ITGAE: variants seen among roughly 807,000 people sequenced by gnomAD.
ITGAE encodes integrin alpha-E.
ITGAE carries 99 observed loss-of-function variants against 136.5 expected under a neutral mutation model. That is an observed-to-expected ratio of 0.73 (90% CI 0.62 to 0.86). ITGAE has a LOEUF of 0.86. Ranked by LOEUF, ITGAE falls within the 40% of genes least tolerant of loss-of-function variation. ITGAE has a pLI of 0.00. For missense variants in ITGAE, 1,447 were observed against 1,515.3 expected, an observed-to-expected ratio of 0.95 and a Z score of 0.75; for synonymous variants, 613 against 591.8, an observed-to-expected ratio of 1.04 and a Z score of -0.52.
rs1567547981 is a variant in ITGAE at position 3,771,585 on chromosome 17, G to A, written c.155+5955C>T. Among the ~76,000 whole-genome samples, 4 of 145,496 alleles carry A rather than the reference G, an allele frequency of 2.7e-5. No individual in the cohort carries two copies. The Admixed American group carries it at 2.8e-4, about 10-fold the overall frequency. On this transcript the variant is annotated intron_variant, in intron 2 of 30. Transcript: ENST00000263087. ...GACAGAGTTTCATTCTTGTTGCCCA[G>A]GCTGGAGTGCAATGCTGCGGTCTTG... is the stretch of plus-strand genomic sequence containing the variant.
intron 26 of ITGAE, among the ~76,000 whole-genome samples, chr17:3,727,426 G>A (rs2051239191): frequency 6.7e-6 from 1 of 149,894 alleles, no homozygotes; most frequent in Admixed American, 6.7e-5. Context: ...TTGAGATGGA[G>A]TCTCACTCTG....
chr17:3,781,119 T>A (rs2052657179), intron 1 of ITGAE, among the ~76,000 whole-genome samples: 1 of 152,348 alleles, frequency 6.6e-6, no homozygotes, highest in South Asian at 2.1e-4. Context: ...TATTTATTTG[T>A]AAGAGCTTTT....
intron 26 of ITGAE, chr17:3,723,994 A>C (rs979018899): frequency 2.5e-6 from 4 of 1,592,472 alleles, no homozygotes; most frequent in African/African-American, 2.7e-5. Context: ...GGGGCTGCGG[A>C]CGGCAGGAGA....
At chr17:3,747,246 A>G (rs2051737931) in intron 17 of ITGAE, among the ~76,000 whole-genome samples, 1 of 152,154 alleles carries the variant, frequency 6.6e-6, no homozygotes, top group Non-Finnish European at 1.5e-5. Context: ...AGAGAGAAAG[A>G]GGAGGGTGTG....
intron 28 of ITGAE, 65 bp from the exon 29 acceptor site, chr17:3,720,467 A>T (rs990711503): frequency 3.9e-6 from 3 of 767,460 alleles, no homozygotes; most frequent in Non-Finnish European, 4.7e-6. Flanking sequence ...ACTGTGTTTG[A>T]ACAGCCTTCA....
intron 26 of ITGAE, chr17:3,724,544 C>T (rs1344049906): frequency 6.2e-7 from 1 of 1,614,098 alleles, no homozygotes; most frequent in Non-Finnish European, 8.5e-7. Flanking sequence ...CCGTCCCGAG[C>T]GGCCTCCACC....
At chr17:3,772,164 C>A (rs545172728) in intron 2 of ITGAE, among the ~76,000 whole-genome samples, 2 of 152,344 alleles carry the variant, frequency 1.3e-5, no homozygotes, top group African/African-American at 4.8e-5. Context: ...TGCTAATTCC[C>A]AGTCACCCTG....
At chr17:3,717,876 C>T (rs1000195167) in intron 29 of ITGAE, 1 of 152,278 alleles carries the variant, frequency 6.6e-6, no homozygotes, top group Non-Finnish European at 1.5e-5. Context: ...GAATATTCTA[C>T]AGGAGAAGGA....
intron 29 of ITGAE, chr17:3,717,762 A>G (rs1282400524): frequency 1.3e-5 from 2 of 152,198 alleles, no homozygotes; most frequent in Non-Finnish European, 2.9e-5. Context: ...TTCCAGTCCT[A>G]TTTAGCTCAT....
chr17:3,721,579 TC>T (rs1218841292), intron 28 of ITGAE: 1 of 152,168 alleles, frequency 6.6e-6, no homozygotes, highest in Non-Finnish European at 1.5e-5. Context: ...CACTCACAAT[TC>T]TTTTTTTTTA....
Position 3,751,664 on chromosome 17 carries a change from C to A in ITGAE, c.1879G>T (p.Ala627Ser). 1.2e-6 allele frequency: 2 copies of A among 1,613,604 alleles called. No homozygotes were observed. Among genetic ancestry groups the A allele is most frequent in the Non-Finnish European group, 1.7e-6 (2 of 1,179,798 alleles). Residue 627 changes from alanine to serine, a missense_variant, in exon 15 of 31, where the codon GCC (alanine) becomes TCC (serine). This residue lies in a region of ITGAE where 1,031 missense variants were observed against 1,011.4 expected (regional missense o/e 1.02). Transcript: ENST00000263087. ...IYNGHWDGLS[A>S]SPSQRIRAST... ...CCATGGGTCACCTGCGAGGGGCTGGCGGAGAGGCCGTCCCAGTGTCCATTG... is the reference window on the plus strand; with the variant it reads ...CCATGGGTCACCTGCGAGGGGCTGGAGGAGAGGCCGTCCCAGTGTCCATTG...
rs1597320488 is a variant in ITGAE, at chr17:3,741,135, T to G, written c.2449-1257A>C. Among the ~76,000 whole-genome samples the G allele has an allele frequency of 4.4e-5, 6 of 137,360 alleles. 1 individual carries two copies. The allele number at this position is 137,360 out of a possible 152,430, so 90.1% of individuals were successfully genotyped here. On this transcript the variant is annotated intron_variant, in intron 19 of 30. Transcript: ENST00000263087. The stretch of plus-strand genomic sequence containing the variant: ...CTCTGTCGCCCAGGCTGGAGTGCAG[T>G]GGCGCAATCTCCGCTCACTGCAAGC...
chr17:3,790,730 ACT>A (rs2052917376), intron 1 of ITGAE, among the ~76,000 whole-genome samples: 1 of 151,896 alleles, frequency 6.6e-6, no homozygotes, highest in African/African-American at 2.4e-5. Flanking sequence ...ACGTGACCAA[ACT>A]CTGCCATAAA....
chr17:3,742,305 T>C (rs1335923600), intron 19 of ITGAE, among the ~76,000 whole-genome samples: 1 of 152,234 alleles, frequency 6.6e-6, no homozygotes, highest in Admixed American at 6.5e-5. Context: ...TCTTTTGCTA[T>C]AAAGGACATT....
At chr17:3,723,137 A>G in intron 28 of ITGAE, 151 bp downstream of exon 28, 1 of 597,308 alleles carries the variant, frequency 1.7e-6, no homozygotes, top group Non-Finnish European at 3.0e-6. Context: ...GAGGGTAGCT[A>G]AGGAACGGGT....
intron 4 of ITGAE, 80 bp downstream of exon 4, chr17:3,761,835 C>T (rs753017584): frequency 4.1e-6 from 5 of 1,230,942 alleles, no homozygotes; most frequent in Non-Finnish European, 5.9e-6. Flanking sequence ...GCAGTCAGAA[C>T]TGGTCTCAAC....
chr17:3,750,094 C>T (rs1394954756), intron 16 of ITGAE, among the ~76,000 whole-genome samples: 1 of 152,224 alleles, frequency 6.6e-6, no homozygotes, highest in Non-Finnish European at 1.5e-5. Flanking sequence ...TATATATTCG[C>T]TTGCATGATC....
intron 15 of ITGAE, 79 bp from the exon 16 acceptor site, chr17:3,750,561 G>A (rs943022567): frequency 2.1e-5 from 33 of 1,535,198 alleles, no homozygotes; most frequent in Non-Finnish European, 2.8e-5. Context: ...GATCTATCCC[G>A]ATCAGCATCG....
At chr17:3,801,032 G>C in intron 1 of ITGAE, 79 bp downstream of exon 1, 3 of 1,508,512 alleles carry the variant, frequency 2.0e-6, no homozygotes, top group Admixed American at 1.7e-5. Flanking sequence ...GAGACAGACA[G>C]TCAAGGCTGT....
Sources: gnomAD v4.1 joint callset for allele counts (sites outside exome capture counted in the v4.1 genomes callset) on GRCh38, gnomAD v4.1.1 for gene constraint, gnomAD v4.1.1 regional missense constraint, MANE v1.5 for transcripts, NCBI Gene and HGNC (gene_info 2026-07-23, HGNC 2026-07-21) for gene names.